Variants in VWA3A observed in about 807,000 individuals in gnomAD.
VWA3A encodes the protein von Willebrand factor A domain-containing protein 3A.
A neutral mutation model predicts 160.4 loss-of-function variants in VWA3A; 134 were observed. The ratio of observed to expected loss-of-function variants is 0.84; its 90% CI spans 0.73 to 0.96. VWA3A has a LOEUF of 0.96. Ranked by LOEUF, VWA3A falls within the 40% of genes least tolerant of loss-of-function variation. VWA3A has a pLI of 0.00. For synonymous variants in VWA3A, 476 were observed against 543.4 expected (o/e 0.88, Z 1.72); for missense variants, 1,310 against 1,447.9 (o/e 0.90, Z 1.55).
chr16:22,101,249 C>T (rs1462775680), intron 5 of VWA3A, among the ~76,000 whole-genome samples: 1 of 152,062 alleles, frequency 6.6e-6, no homozygotes, highest in Non-Finnish European at 1.5e-5. Context: ...AAAATAAGAC[C>T]CTATCTCTAA....
intron 8 of VWA3A, among the ~76,000 whole-genome samples, chr16:22,113,363 C>CT (rs569069206): frequency 0.053 from 2,447 of 46,158 alleles, 252 homozygotes; most frequent in Non-Finnish European, 0.083. Context: ...GGCTAATTTT[C>CT]TTTTTTTTTT....
chr16:22,105,908 T>C (rs559354341), intron 6 of VWA3A, among the ~76,000 whole-genome samples: 2 of 152,328 alleles, frequency 1.3e-5, no homozygotes, highest in East Asian at 3.9e-4. Flanking sequence ...TGAGTGATTA[T>C]TGTATATCAG....
At chr16:22,138,593 G>A (rs752473098) in intron 22 of VWA3A, 81 bp downstream of exon 22, 38 of 1,553,940 alleles carry the variant, frequency 2.4e-5, no homozygotes, top group African/African-American at 1.4e-5. Context: ...TAAAATGGCT[G>A]GGGCCAGCAG....
intron 7 of VWA3A, 100 bp from the exon 8 acceptor site, chr16:22,110,788 C>T: frequency 8.8e-7 from 1 of 1,141,182 alleles, no homozygotes; most frequent in Non-Finnish European, 1.2e-6. Context: ...TTCAGTACAG[C>T]TCACACCCAG....
Position 22,156,136 on chromosome 16 carries a change from A to C in VWA3A, c.*119A>C. The C allele has an allele frequency of 3.5e-6, 2 of 571,208 alleles. No homozygotes were observed. The highest frequency in any genetic ancestry group is 6.2e-6 in the Non-Finnish European group (2 of 324,506). 35.4% of individuals were successfully genotyped at this position (571,208 alleles called of 1,614,324 possible). ...AGGAAACATGATTCCTGGTACCAGG[A>C]CTCTCTGGAAGCTGAGGAAGGAAAG... is the stretch of plus-strand genomic sequence containing the variant. On this transcript the variant is annotated 3_prime_UTR_variant, in exon 34 of 34. Transcript: ENST00000389398.
At chr16:22,098,849 A>T (rs1370814482) in intron 3 of VWA3A, among the ~76,000 whole-genome samples, 1 of 140,102 alleles carries the variant, frequency 7.1e-6, no homozygotes, top group African/African-American at 2.6e-5. Context: ...CCTAGATGAG[A>T]GGATCGCTTG....
rs1029821804 is a variant in VWA3A, at chr16:22,148,308, T to C, written c.2984+2T>C. 7 of 1,591,868 alleles carry C rather than the reference T, an allele frequency of 4.4e-6. No homozygotes were observed. The highest frequency in any genetic ancestry group is 6.0e-6 in the Non-Finnish European group (7 of 1,169,598). ...ACAGCTGCGGAAGTGCTGTGACAGG[T>C]AGGAGGCGAGGGCTGATCAGGAAGA... On this transcript the variant is annotated splice_donor_variant, in intron 28 of 33. Coordinates refer to ENST00000389398, the MANE Select transcript of VWA3A (RefSeq NM_173615.5). LOFTEE classifies it high-confidence loss of function.
At chr16:22,122,308 G>GATGGATGC (rs1567207079) in intron 14 of VWA3A, among the ~76,000 whole-genome samples, 1 of 149,878 alleles carries the variant, frequency 6.7e-6, no homozygotes, top group African/African-American at 2.5e-5. Flanking sequence ...TGGATGGATG[G>GATGGATGC]ATGCATGGAT....
At chr16:22,144,154 G>A (rs1027484334) in intron 25 of VWA3A, 93 bp from the exon 26 acceptor site, 14 of 1,413,100 alleles carry the variant, frequency 9.9e-6, no homozygotes, top group Non-Finnish European at 1.3e-5. Context: ...ACATCATACA[G>A]GTTTCAAACA....
chr16:22,143,412 C>T (rs2046188676), intron 25 of VWA3A, among the ~76,000 whole-genome samples: 1 of 152,038 alleles, frequency 6.6e-6, no homozygotes, highest in African/African-American at 2.4e-5. Context: ...GATAGTTGTC[C>T]CACAGCTATT....
intron 16 of VWA3A, among the ~76,000 whole-genome samples, chr16:22,125,026 C>T: frequency 6.6e-6 from 1 of 151,886 alleles, no homozygotes; most frequent in African/African-American, 2.4e-5. Flanking sequence ...TCCAAGAGGC[C>T]CAGATACACC....
At chr16:22,155,727 C>T in intron 32 of VWA3A, 63 bp downstream of exon 32, 1 of 1,602,456 alleles carries the variant, frequency 6.2e-7, no homozygotes, top group South Asian at 1.1e-5. Context: ...GACCCCGGAC[C>T]CCATCGAGAA....
intron 8 of VWA3A, 67 bp downstream of exon 8, chr16:22,111,061 T>C: frequency 7.3e-7 from 1 of 1,377,436 alleles, no homozygotes. Flanking sequence ...AGCAGAGTCT[T>C]TATTGAATAA....
chr16:22,101,337 T>A (rs887932901), intron 5 of VWA3A, among the ~76,000 whole-genome samples: 11 of 152,236 alleles, frequency 7.2e-5, no homozygotes, highest in African/African-American at 2.4e-4. Flanking sequence ...GTAATGACTT[T>A]CAATGTCAAA....
intron 14 of VWA3A, 150 bp downstream of exon 14, chr16:22,121,767 TG>T: frequency 1.5e-6 from 1 of 647,422 alleles, no homozygotes; most frequent in Admixed American, 2.9e-5. Flanking sequence ...CCACTGTAGC[TG>T]TTGGTTTTCA....
At chr16:22,098,570 GAAGGA>G (rs1350699026) in intron 3 of VWA3A, among the ~76,000 whole-genome samples, 8 of 152,156 alleles carry the variant, frequency 5.3e-5, no homozygotes, top group African/African-American at 1.9e-4. Flanking sequence ...AGATGAACCT[GAAGGA>G]AAGAGGGAAA....
intron 6 of VWA3A, among the ~76,000 whole-genome samples, chr16:22,104,625 A>G (rs1404494443): frequency 6.6e-6 from 1 of 152,104 alleles, no homozygotes; most frequent in African/African-American, 2.4e-5. Context: ...GGCTGCAGTG[A>G]GCTATGATTT....
chr16:22,093,827 C>G (rs928593204), intron 1 of VWA3A, among the ~76,000 whole-genome samples: 1 of 152,074 alleles, frequency 6.6e-6, no homozygotes, highest in Non-Finnish European at 1.5e-5. Flanking sequence ...TGCAGCGATG[C>G]GATCACAGCT....
chr16:22,131,365 AGTAG>A (rs2045945317), intron 18 of VWA3A, 86 bp downstream of exon 18: 1 of 1,518,266 alleles, frequency 6.6e-7, no homozygotes, highest in Non-Finnish European at 9.0e-7. Context: ...TCCACCAAGA[AGTAG>A]CTCTCTAGAG....
Sources: allele counts gnomAD v4.1 joint callset (sites outside exome capture counted in the v4.1 genomes callset), GRCh38; gene constraint gnomAD v4.1.1; transcripts MANE v1.5; gene names NCBI Gene and HGNC (gene_info 2026-07-23, HGNC 2026-07-21).